Variants in KCND2 observed in about 807,000 individuals in gnomAD.
KCND2 encodes A-type voltage-gated potassium channel KCND2.
In KCND2, 16 loss-of-function variants were observed where a neutral mutation model predicts 54.4. The observed-to-expected ratio is 0.29, with a 90% confidence interval of 0.20 to 0.45. KCND2 has a LOEUF of 0.45. Ranked by LOEUF, KCND2 falls within the 20% of genes least tolerant of loss-of-function variation. KCND2 has a pLI of 1.00. For missense variants in KCND2, 486 were observed against 824.2 expected, an observed-to-expected ratio of 0.59 and a Z score of 5.02; for synonymous variants, 317 against 310.7, an observed-to-expected ratio of 1.02 and a Z score of -0.21.
chr7:120,394,051 A>G (rs1468362213), intron 1 of KCND2, among the ~76,000 whole-genome samples: 1 of 151,944 alleles, frequency 6.6e-6, no homozygotes, highest in Non-Finnish European at 1.5e-5. Flanking sequence ...ATAATCAGAG[A>G]TGGGAGGGGC....
intron 1 of KCND2, among the ~76,000 whole-genome samples, chr7:120,523,704 C>CTGTGTGTGTGTGTG (rs199762798): frequency 5.8e-5 from 8 of 137,216 alleles, no homozygotes; most frequent in Admixed American, 7.3e-5. Flanking sequence ...CACACACACT[C>CTGTGTGTGTGTGTG]TGTGTGTGTG....
At chr7:120,513,375 GTT>G (rs1803149103) in intron 1 of KCND2, among the ~76,000 whole-genome samples, 1 of 152,078 alleles carries the variant, frequency 6.6e-6, no homozygotes, top group African/African-American at 2.4e-5. Flanking sequence ...GAAATAATGT[GTT>G]TTTGATTTAT....
Position 120,650,591 on chromosome 7 carries a change from G to A in KCND2, c.1116-82312G>A, listed in dbSNP as rs563154828. ...TCCTTTAGCTCGGAGAAGTTTGATC[G>A]TCTGAAGCCTTCTTCTCCCGACTCG... On this transcript the variant is annotated intron_variant, in intron 1 of 5. Transcript: ENST00000331113. 1.9e-4 allele frequency among the ~76,000 whole-genome samples: 27 copies of A among 143,370 alleles called. 1 individual carries two copies. The highest frequency in any genetic ancestry group is 3.9e-4 in the Non-Finnish European group (26 of 65,858). 94.1% of individuals were successfully genotyped at this position (143,370 alleles called of 152,430 possible).
At chr7:120,458,753 C>A (rs1414167942) in intron 1 of KCND2, among the ~76,000 whole-genome samples, 1 of 151,994 alleles carries the variant, frequency 6.6e-6, no homozygotes, top group African/African-American at 2.4e-5. Flanking sequence ...TAATGTCATT[C>A]TTTAATCTTT....
intron 1 of KCND2, among the ~76,000 whole-genome samples, chr7:120,344,919 T>C (rs1800292487): frequency 6.6e-6 from 1 of 152,144 alleles, no homozygotes; most frequent in Non-Finnish European, 1.5e-5. Flanking sequence ...CTTAAGGAGC[T>C]CACAGCTGGG....
At chr7:120,565,539 C>A (rs1438767138) in intron 1 of KCND2, among the ~76,000 whole-genome samples, 2 of 152,056 alleles carry the variant, frequency 1.3e-5, no homozygotes, top group African/African-American at 4.8e-5. Flanking sequence ...CTCTGAAAAG[C>A]TGAATTAGGA....
At chr7:120,389,393 C>T (rs2116047682) in intron 1 of KCND2, among the ~76,000 whole-genome samples, 1 of 151,886 alleles carries the variant, frequency 6.6e-6, no homozygotes, top group Middle Eastern at 3.4e-3. Flanking sequence ...CTAAAATCCA[C>T]TCTCTTAGGA....
intron 1 of KCND2, among the ~76,000 whole-genome samples, chr7:120,491,825 T>C (rs1033795493): frequency 1.3e-5 from 2 of 151,678 alleles, no homozygotes; most frequent in Non-Finnish European, 2.9e-5. Flanking sequence ...TGCAATTTGG[T>C]AATTAATGTA....
At chr7:120,423,497 C>T (rs149867462) in intron 1 of KCND2, among the ~76,000 whole-genome samples, 28 of 152,320 alleles carry the variant, frequency 1.8e-4, no homozygotes, top group African/African-American at 6.7e-4. Context: ...GCATGCTGCC[C>T]TCTTAAAATC....
At chr7:120,687,025 T>C (rs1328251177) in intron 1 of KCND2, among the ~76,000 whole-genome samples, 3 of 152,170 alleles carry the variant, frequency 2.0e-5, no homozygotes, top group African/African-American at 7.2e-5. Flanking sequence ...AGTATGTGTG[T>C]GTTTGTGTGT....
intron 1 of KCND2, among the ~76,000 whole-genome samples, chr7:120,533,370 TG>T (rs1483156593): frequency 6.6e-6 from 1 of 152,138 alleles, no homozygotes; most frequent in Non-Finnish European, 1.5e-5. Context: ...TCTTAACATT[TG>T]GAGATGTCAT....
chr7:120,355,836 G>A (rs2191737), intron 1 of KCND2, among the ~76,000 whole-genome samples: 105,266 of 152,122 alleles, frequency 0.69, 39,621 homozygotes, highest in South Asian at 0.91. Flanking sequence ...ATCGAAATTT[G>A]TTGTTATTTA....
intron 1 of KCND2, among the ~76,000 whole-genome samples, chr7:120,641,462 A>T (rs73721440): frequency 0.03 from 4,556 of 152,216 alleles, 183 homozygotes; most frequent in African/African-American, 0.097. Context: ...AATCACATTG[A>T]TAATGGATAG....
At position 120,284,490 on chromosome 7, in the gene KCND2, T is replaced by G. The variant is rs142345700; in HGVS notation, c.1115+8743T>G. On this transcript the variant is annotated intron_variant, in intron 1 of 5. Coordinates refer to ENST00000331113, the MANE Select transcript of KCND2 (RefSeq NM_012281.3). ...TGTATCAAATGAGGTGTTTTTGTAT[T>G]CTTCTTAAATTAGATCAACCTAATA... Among the ~76,000 whole-genome samples the G allele has an allele frequency of 4.6e-4, 70 of 152,286 alleles. 1 individual carries two copies. Among genetic ancestry groups the G allele is most frequent in the African/African-American group, 1.6e-3 (67 of 41,570 alleles).
intron 1 of KCND2, among the ~76,000 whole-genome samples, chr7:120,378,210 T>C (rs1800863841): frequency 6.6e-6 from 1 of 152,004 alleles, no homozygotes; most frequent in Non-Finnish European, 1.5e-5. Context: ...CTATATGCAA[T>C]GGTTTAAAAT....
chr7:120,283,172 T>A (rs1015532649), intron 1 of KCND2, among the ~76,000 whole-genome samples: 1 of 152,116 alleles, frequency 6.6e-6, no homozygotes, highest in African/African-American at 2.4e-5. Context: ...GACTTCAAGG[T>A]GGGATGAAGT....
intron 1 of KCND2, among the ~76,000 whole-genome samples, chr7:120,716,317 A>G (rs1792602316): frequency 6.7e-6 from 1 of 150,346 alleles, no homozygotes; most frequent in African/African-American, 2.5e-5. Flanking sequence ...ATAGAGTTTA[A>G]TTTAAGAAAA....
intron 5 of KCND2, 121 bp downstream of exon 5, chr7:120,746,148 C>T (rs745890898): frequency 1.9e-4 from 218 of 1,147,590 alleles, no homozygotes; most frequent in Admixed American, 1.1e-3. Flanking sequence ...CAGGAAGAGA[C>T]AAAAATGGTA....
intron 1 of KCND2, among the ~76,000 whole-genome samples, chr7:120,520,651 TAGTA>T (rs1412751827): frequency 6.6e-6 from 1 of 152,272 alleles, no homozygotes; most frequent in African/African-American, 2.4e-5. Context: ...AGAAGTGTGA[TAGTA>T]AGCAGATTAT....
Sources: gnomAD v4.1 joint callset for allele counts (sites outside exome capture counted in the v4.1 genomes callset) on GRCh38, gnomAD v4.1.1 for gene constraint, MANE v1.5 for transcripts, NCBI Gene and HGNC (gene_info 2026-07-23, HGNC 2026-07-21) for gene names.